The following DAB2IP variants were observed in gnomAD, a reference collection of about 807,000 sequenced individuals.
DAB2IP encodes DAB2 interacting protein, also known as disabled homolog 2-interacting protein.
DAB2IP carries 28 observed loss-of-function variants against 107.2 expected under a neutral mutation model. The ratio of observed to expected loss-of-function variants is 0.26; its 90% CI spans 0.19 to 0.36. The LOEUF (loss-of-function observed/expected upper bound fraction) is 0.36, where lower values mean the gene tolerates loss of function less well. DAB2IP is among the 10% of genes least tolerant of loss of function. The pLI is 1.00. For synonymous variants in DAB2IP, 755 were observed against 706.4 expected (o/e 1.07, Z -1.09); for missense variants, 1,400 against 1,644.7 (o/e 0.85, Z 2.57).
intron 1 of DAB2IP, among the ~76,000 whole-genome samples, chr9:121,614,717 T>TTTTC (rs1564701522): frequency 7.2e-6 from 1 of 138,288 alleles, no homozygotes; most frequent in African/African-American, 2.7e-5. Flanking sequence ...AATCCTTTCT[T>TTTTC]TTTCTTTCTT....
intron 3 of DAB2IP, among the ~76,000 whole-genome samples, chr9:121,717,001 C>T (rs990027515): frequency 5.9e-5 from 9 of 152,330 alleles, no homozygotes; most frequent in African/African-American, 2.2e-4. Context: ...GAAGGCAAGT[C>T]TCATACGGAG....
chr9:121,620,335 G>T (rs1292125066), intron 1 of DAB2IP, among the ~76,000 whole-genome samples: 1 of 149,864 alleles, frequency 6.7e-6, no homozygotes, highest in Non-Finnish European at 1.5e-5. Flanking sequence ...CACTGAAAAT[G>T]CCAGCCACTG....
chr9:121,628,130 TG>T (rs1210126857), intron 1 of DAB2IP, among the ~76,000 whole-genome samples: 12 of 152,268 alleles, frequency 7.9e-5, no homozygotes, highest in Admixed American at 3.9e-4. Context: ...GGCTTGGGCC[TG>T]GCACTTCTCT....
At chr9:121,567,142 C>T in exon 1 of DAB2IP, 1 of 1,613,336 alleles carries the variant, frequency 6.2e-7, no homozygotes, top group South Asian at 1.1e-5. Flanking sequence ...TGGAGACAGC[C>T]TCGGTTCATA....
intron 2 of DAB2IP, among the ~76,000 whole-genome samples, chr9:121,694,635 G>C (rs1204410142): frequency 1.3e-5 from 2 of 151,962 alleles, no homozygotes; most frequent in Non-Finnish European, 2.9e-5. Context: ...TAAGAACTTG[G>C]GTCCTTCCAG....
intron 3 of DAB2IP, among the ~76,000 whole-genome samples, chr9:121,742,574 C>T (rs1311991374): frequency 6.6e-6 from 1 of 152,244 alleles, no homozygotes; most frequent in Non-Finnish European, 1.5e-5. Context: ...CCCCATCCCA[C>T]TCCTATTCCA....
chr9:121,739,181 T>A (rs141895901), intron 3 of DAB2IP, among the ~76,000 whole-genome samples: 146 of 152,236 alleles, frequency 9.6e-4, no homozygotes, highest in African/African-American at 3.3e-3. Context: ...AGGGAAGGAT[T>A]GAGTTGCAGA....
chr9:121,773,238 A>C lies in DAB2IP; in HGVS notation c.2710A>C (p.Thr904Pro), dbSNP rs769366403. ...ACTGACTGAAAAAGGCGGGCAGCCC[A>C]CGGTGCCACGGCAGAACAGTGCTGG... The change falls in exon 12 of 16, where the codon ACG becomes CCG. Residue 904 changes from threonine to proline, a missense_variant. Coordinates refer to ENST00000408936, the Ensembl canonical transcript of DAB2IP. 1.4e-5 allele frequency: 22 copies of C among 1,552,268 alleles called. No homozygotes were observed. The East Asian group carries it at 5.1e-4, about 36-fold the overall frequency.
chr9:121,715,965 G>A (rs1201262132), intron 3 of DAB2IP, among the ~76,000 whole-genome samples: 1 of 152,230 alleles, frequency 6.6e-6, no homozygotes, highest in African/African-American at 2.4e-5. Flanking sequence ...GAGCACCAGA[G>A]GCATCCCACT....
chr9:121,723,666 T>C (rs1218462736), intron 3 of DAB2IP, among the ~76,000 whole-genome samples: 2 of 152,230 alleles, frequency 1.3e-5, no homozygotes, highest in African/African-American at 4.8e-5. Context: ...ATCTGTGCAA[T>C]GCAGACACTT....
chr9:121,761,349 C>T (rs1833875468), intron 6 of DAB2IP, among the ~76,000 whole-genome samples: 1 of 152,244 alleles, frequency 6.6e-6, no homozygotes, highest in South Asian at 2.1e-4. Flanking sequence ...AAGGACTGGG[C>T]CTCTGCCCTC....
intron 1 of DAB2IP, among the ~76,000 whole-genome samples, chr9:121,639,367 G>A (rs770026766): frequency 6.6e-6 from 1 of 152,202 alleles, no homozygotes; most frequent in Non-Finnish European, 1.5e-5. Context: ...AGAGCACAGC[G>A]GCAAGCTGGC....
At chr9:121,642,980 G>A (rs1411425211) in intron 1 of DAB2IP, among the ~76,000 whole-genome samples, 2 of 150,214 alleles carry the variant, frequency 1.3e-5, no homozygotes, top group African/African-American at 2.4e-5. Flanking sequence ...GGGTTTGTGG[G>A]AATGAGGCAG....
intron 3 of DAB2IP, among the ~76,000 whole-genome samples, chr9:121,746,739 A>G (rs1832748344): frequency 6.6e-6 from 1 of 152,228 alleles, no homozygotes. Context: ...GAGGGGAAGC[A>G]CTTCCTGGAG....
At chr9:121,586,571 A>T (rs545401607) in intron 1 of DAB2IP, among the ~76,000 whole-genome samples, 1 of 152,152 alleles carries the variant, frequency 6.6e-6, no homozygotes, top group East Asian at 1.9e-4. Flanking sequence ...GTGGCCTGGC[A>T]CCTTGGGAGG....
At chr9:121,609,877 G>A (rs950830983) in intron 1 of DAB2IP, among the ~76,000 whole-genome samples, 11 of 152,214 alleles carry the variant, frequency 7.2e-5, no homozygotes, top group Non-Finnish European at 1.6e-4. Context: ...AAGAATCCCA[G>A]TTTTGCAGCC....
intron 1 of DAB2IP, among the ~76,000 whole-genome samples, chr9:121,614,337 C>CA (rs1368565356): frequency 9.7e-6 from 1 of 102,772 alleles, no homozygotes; most frequent in Non-Finnish European, 1.8e-5. Context: ...TCTTTCTTTT[C>CA]TTTTTTTTTT....
intron 3 of DAB2IP, among the ~76,000 whole-genome samples, chr9:121,731,573 C>T (rs1381940586): frequency 6.6e-6 from 1 of 152,226 alleles, no homozygotes; most frequent in Non-Finnish European, 1.5e-5. Context: ...GCCAGTGGGC[C>T]TTTCCTTGTC....
intron 2 of DAB2IP, among the ~76,000 whole-genome samples, chr9:121,681,830 T>C (rs870556): frequency 0.45 from 68,295 of 151,908 alleles, 15,919 homozygotes; most frequent in African/African-American, 0.57. Context: ...CCCATGTGAT[T>C]TCAGTAGCCA....
Sources: allele counts gnomAD v4.1 joint callset (sites outside exome capture counted in the v4.1 genomes callset), GRCh38; gene constraint gnomAD v4.1.1; transcripts MANE v1.5; gene names NCBI Gene and HGNC (gene_info 2026-07-23, HGNC 2026-07-21).